Variants in PCSK5 observed in about 807,000 individuals in gnomAD.
PCSK5 encodes prohormone convertase 5.
Under a neutral mutation model 233.2 loss-of-function variants are expected in PCSK5, and 129 were observed. The ratio of observed to expected loss-of-function variants is 0.55; its 90% confidence interval spans 0.48 to 0.64. The LOEUF is 0.64. Ranked by LOEUF, PCSK5 falls within the 30% of genes least tolerant of loss-of-function variation. The pLI is 0.00. For missense variants in PCSK5, 2,076 were observed against 2,430.1 expected (o/e 0.85, Z 3.06); for synonymous variants, 825 against 879.2 (o/e 0.94, Z 1.09).
intron 36 of PCSK5, among the ~76,000 whole-genome samples, chr9:76,351,996 C>A (rs1185421803): frequency 6.6e-6 from 1 of 151,978 alleles, no homozygotes; most frequent in East Asian, 1.9e-4. Context: ...CAGTCCAGAC[C>A]CCAAAAGAGG....
intron 1 of PCSK5, among the ~76,000 whole-genome samples, chr9:75,928,927 A>ATATTTATTTATT (rs71499119): frequency 0.015 from 2,225 of 149,816 alleles, 54 homozygotes; most frequent in African/African-American, 0.044. Flanking sequence ...AAGGATTCTG[A>ATATTTATTTATT]TATTTATTTA....
In PCSK5 at chr9:76,188,596, C is replaced by T. The variant is rs10521468; in HGVS notation, c.2301C>T (p.Cys767=). 0.17 allele frequency: 279,381 copies of T among 1,610,410 alleles called. 26,664 individuals are homozygous for T. The highest frequency in any genetic ancestry group is 0.19 in the Non-Finnish European group (228,168 of 1,176,734). Residue 767 remains cysteine (C), a synonymous_variant, in exon 18 of 38, where the codon TGC becomes TGT. Transcript: ENST00000674117. ...RDGLSLQGSR[C]SVSCEDGRYF... ...CTTCCAGCCTGCAGGGATCCCGGTGCTCTGTCTCCTGTGAAGATGGACGGT... is the reference window on the plus strand; with the variant it reads ...CTTCCAGCCTGCAGGGATCCCGGTGTTCTGTCTCCTGTGAAGATGGACGGT...
chr9:75,983,525 A>T (rs1826369145), intron 2 of PCSK5, among the ~76,000 whole-genome samples: 2 of 152,192 alleles, frequency 1.3e-5, no homozygotes, highest in African/African-American at 4.8e-5. Flanking sequence ...GAGTAGAGGG[A>T]GGGAGTGTCC....
intron 2 of PCSK5, among the ~76,000 whole-genome samples, chr9:75,966,174 A>G (rs573681243): frequency 1.3e-5 from 2 of 152,202 alleles, no homozygotes; most frequent in East Asian, 1.9e-4. Context: ...GTACTAACCT[A>G]TACTGAGGCA....
chr9:76,051,609 A>C (rs951955467), intron 5 of PCSK5, among the ~76,000 whole-genome samples: 2 of 151,970 alleles, frequency 1.3e-5, no homozygotes, highest in African/African-American at 2.4e-5. Flanking sequence ...CAAAAAAAAA[A>C]CAACAACAAC....
chr9:76,338,196 T>C (rs1468815896), intron 34 of PCSK5, 34 bp from the exon 35 acceptor site: 2 of 1,492,152 alleles, frequency 1.3e-6, no homozygotes, highest in East Asian at 2.3e-5. Context: ...GAGCAAAGCT[T>C]ACTATTCCAT....
chr9:76,354,169 C>A lies in PCSK5; in HGVS notation c.5204C>A (p.Thr1735Asn). The A allele has an allele frequency of 6.3e-7, 1 of 1,591,242 alleles. No individual in the cohort carries two copies. Among genetic ancestry groups the A allele is most frequent in the Non-Finnish European group, 8.6e-7 (1 of 1,169,528 alleles). ...DDSHCLHCCN[T>N]SDPPSAQECC... ...AGCCACTGCCTCCACTGCTGCAACA[C>A]CTCTGATCCCCCCAGTGCCCAGGAG... is the stretch of plus-strand genomic sequence containing the variant. Residue 1735 changes from threonine (T) to asparagine (N), a missense_variant, in exon 37 of 38, where the codon ACC becomes AAC. Thr to Asn is a moderately conservative substitution (Grantham distance 65, BLOSUM62 0). Transcript: ENST00000674117.
At chr9:76,012,928 T>G (rs1827791288) in intron 3 of PCSK5, among the ~76,000 whole-genome samples, 1 of 152,194 alleles carries the variant, frequency 6.6e-6, no homozygotes, top group South Asian at 2.1e-4. Flanking sequence ...GGGTAATAAC[T>G]TATTACAGGG....
At chr9:76,109,114 C>T (rs1832100742) in intron 9 of PCSK5, among the ~76,000 whole-genome samples, 1 of 152,172 alleles carries the variant, frequency 6.6e-6, no homozygotes, top group Non-Finnish European at 1.5e-5. Context: ...GGCACTTATC[C>T]TATTAAATTC....
At chr9:75,918,876 A>G (rs4517190) in intron 1 of PCSK5, among the ~76,000 whole-genome samples, 2,592 of 152,292 alleles carry the variant, frequency 0.017, 35 homozygotes, top group South Asian at 0.034. Flanking sequence ...ATCTAAACAA[A>G]TAACTTCTTA....
chr9:76,056,953 A>G (rs1422272038), intron 5 of PCSK5, among the ~76,000 whole-genome samples: 1 of 152,200 alleles, frequency 6.6e-6, no homozygotes, highest in African/African-American at 2.4e-5. Flanking sequence ...TATTGTGGGC[A>G]TATGCAAGAG....
chr9:76,233,710 C>T, intron 22 of PCSK5, 114 bp downstream of exon 22: 1 of 916,164 alleles, frequency 1.1e-6, no homozygotes, highest in Non-Finnish European at 1.7e-6. Context: ...TAAGATCAGA[C>T]AGCTGTTCAC....
At chr9:76,003,409 T>C (rs1407141487) in intron 3 of PCSK5, among the ~76,000 whole-genome samples, 1 of 152,218 alleles carries the variant, frequency 6.6e-6, no homozygotes, top group African/African-American at 2.4e-5. Context: ...GTGATTTTTT[T>C]TTCCTTCCAA....
rs1823761894 is a variant in PCSK5, at chr9:76,179,700, T to TAAGA, written c.2003+3_2003+6dup. ...CTACAAGCTGAAAAACAATACCAGG[T>TAAGA]AAGAGAGGTGCCAAGTCACATCCCC... On this transcript the variant is annotated splice_region_variant and intron_variant, in intron 15 of 37. Coordinates refer to ENST00000674117, the MANE Select transcript of PCSK5 (RefSeq NM_001372043.1). 1 of 1,598,364 alleles carries TAAGA rather than the reference T, an allele frequency of 6.3e-7. No individual in the cohort carries two copies. Among genetic ancestry groups the TAAGA allele is most frequent in the East Asian group, 2.2e-5 (1 of 44,712 alleles).
intron 8 of PCSK5, among the ~76,000 whole-genome samples, chr9:76,098,257 C>A (rs1287035500): frequency 6.6e-6 from 1 of 152,128 alleles, no homozygotes; most frequent in African/African-American, 2.4e-5. Context: ...AATATATACA[C>A]CCAATTCCAC....
chr9:76,159,467 T>G (rs1360614194), intron 12 of PCSK5, among the ~76,000 whole-genome samples: 1 of 152,248 alleles, frequency 6.6e-6, no homozygotes, highest in Non-Finnish European at 1.5e-5. Context: ...AGGCCTCTGA[T>G]ATCCCCTCCC....
chr9:76,173,702 G>C (rs1017450494), intron 13 of PCSK5, among the ~76,000 whole-genome samples: 2 of 151,898 alleles, frequency 1.3e-5, no homozygotes, highest in Admixed American at 1.3e-4. Context: ...GCCAAGTGTG[G>C]TGGCTCACGT....
Position 76,067,970 on chromosome 9 carries a change from T to C in PCSK5, c.648T>C (p.Cys216=), listed in dbSNP as rs764721780. 6.2e-7 allele frequency: 1 copy of C among 1,613,886 alleles called. No individual in the cohort carries two copies. The highest frequency in any genetic ancestry group is 8.5e-7 in the Non-Finnish European group (1 of 1,179,836). ...CTGCCTGCAGGCATGGGACTCGCTG[T>C]GCTGGAGAAGTGGCAGCCGCTGCAA... The part of the protein sequence containing the change: ...ASNENKHGTR[C]AGEVAAAANN... Residue 216 remains cysteine, a synonymous_variant, in exon 6 of 38, where the codon TGT becomes TGC. Transcript: ENST00000674117.
intron 20 of PCSK5, among the ~76,000 whole-genome samples, chr9:76,196,543 A>G (rs551634984): frequency 1.3e-5 from 2 of 152,352 alleles, no homozygotes; most frequent in East Asian, 3.9e-4. Flanking sequence ...GGGGAAAAGA[A>G]ATTGTAAACC....
Sources: allele counts gnomAD v4.1 joint callset (sites outside exome capture counted in the v4.1 genomes callset), GRCh38; gene constraint gnomAD v4.1.1; transcripts MANE v1.5; gene names NCBI Gene and HGNC (gene_info 2026-07-23, HGNC 2026-07-21).